Variants in SYT9 observed in about 807,000 individuals in gnomAD.
The protein encoded by SYT9 is synaptotagmin-9.
SYT9 carries 22 observed loss-of-function variants against 48.4 expected under a neutral mutation model. The observed-to-expected ratio is 0.45, with a 90% CI of 0.32 to 0.65. SYT9 has a LOEUF of 0.65. SYT9 is among the 30% of genes least tolerant of loss of function. The pLI, the probability that SYT9 is intolerant of heterozygous loss-of-function variation, is 0.03. For missense variants in SYT9, 577 were observed against 622.0 expected (o/e 0.93, Z 0.77); for synonymous variants, 265 against 245.0 (o/e 1.08, Z -0.76).
At chr11:7,437,474 C>A (rs1447137316) in intron 6 of SYT9, among the ~76,000 whole-genome samples, 6 of 152,036 alleles carry the variant, frequency 3.9e-5, no homozygotes, top group Non-Finnish European at 8.8e-5. Flanking sequence ...ATTTCACAAA[C>A]CCATAATGGG....
intron 3 of SYT9, among the ~76,000 whole-genome samples, chr11:7,401,312 T>A (rs1316315335): frequency 6.6e-6 from 1 of 150,634 alleles, no homozygotes; most frequent in African/African-American, 2.4e-5. Context: ...ATTTTGTATA[T>A]ATATAATACA....
chr11:7,420,485 T>G, intron 5 of SYT9, 21 bp from the exon 6 acceptor site: 1 of 1,612,644 alleles, frequency 6.2e-7, no homozygotes, highest in Non-Finnish European at 8.5e-7. Context: ...AAGAAAAAAC[T>G]ATTGTGGGCC....
At chr11:7,351,935 A>G (rs555774215) in intron 3 of SYT9, among the ~76,000 whole-genome samples, 1 of 152,074 alleles carries the variant, frequency 6.6e-6, no homozygotes, top group Admixed American at 6.6e-5. Context: ...GTTTTCCAGG[A>G]AAAAAAACTC....
chr11:7,313,854 C>T lies in SYT9; in HGVS notation c.957C>T (p.Ile319=), dbSNP rs767940383. The change falls in exon 3 of 7, where the codon ATC becomes ATT. Residue 319 remains isoleucine, a synonymous_variant. Transcript: ENST00000318881. ...DFDRFSRHDL[I]GQVVVDHFLD... The stretch of plus-strand genomic sequence containing the variant: ...ACAGGTTCTCTCGTCATGACTTAAT[C>T]GGCCAAGTGGTGGTGGATCACTTCC... The T allele has an allele frequency of 1.4e-5, 22 of 1,614,068 alleles. No individual in the cohort carries two copies. Among genetic ancestry groups the T allele is most frequent in the Non-Finnish European group, 1.8e-5 (21 of 1,180,022 alleles).
chr11:7,384,890 C>T (rs1244904248), intron 3 of SYT9, among the ~76,000 whole-genome samples: 1 of 152,142 alleles, frequency 6.6e-6, no homozygotes, highest in Non-Finnish European at 1.5e-5. Flanking sequence ...TACTCTCTCA[C>T]CTCAGGGCAT....
At chr11:7,301,038 G>A (rs1848910576) in intron 1 of SYT9, among the ~76,000 whole-genome samples, 1 of 152,144 alleles carries the variant, frequency 6.6e-6, no homozygotes, top group South Asian at 2.1e-4. Context: ...TGTGTTAAAT[G>A]TTCAACAGTA....
chr11:7,278,782 GAGA>G (rs1194846481), intron 1 of SYT9, among the ~76,000 whole-genome samples: 1 of 152,174 alleles, frequency 6.6e-6, no homozygotes, highest in African/African-American at 2.4e-5. Flanking sequence ...CTTACAAGTG[GAGA>G]AGAAGGGGAG....
At chr11:7,418,544 A>G (rs751615837) in intron 5 of SYT9, among the ~76,000 whole-genome samples, 3 of 152,258 alleles carry the variant, frequency 2.0e-5, no homozygotes, top group Admixed American at 1.3e-4. Context: ...TCGCCAGACC[A>G]TCAACATTTC....
At chr11:7,423,119 G>C (rs1243085411) in intron 6 of SYT9, among the ~76,000 whole-genome samples, 1 of 152,190 alleles carries the variant, frequency 6.6e-6, no homozygotes, top group Non-Finnish European at 1.5e-5. Flanking sequence ...CTTATATGAA[G>C]GGCAAGCCTT....
chr11:7,287,338 G>A (rs1249374181), intron 1 of SYT9, among the ~76,000 whole-genome samples: 2 of 152,130 alleles, frequency 1.3e-5, no homozygotes, highest in East Asian at 3.9e-4. Context: ...ACTTCCCACT[G>A]GGTCACTCCC....
intron 3 of SYT9, among the ~76,000 whole-genome samples, chr11:7,343,521 G>GA (rs200642645): frequency 0.013 from 1,995 of 152,198 alleles, 43 homozygotes; most frequent in African/African-American, 0.044. Flanking sequence ...CTTCATCTGA[G>GA]ACCACCTCAG....
chr11:7,289,928 A>G (rs925901418), intron 1 of SYT9, among the ~76,000 whole-genome samples: 1 of 152,250 alleles, frequency 6.6e-6, no homozygotes, highest in African/African-American at 2.4e-5. Context: ...ACTTCAAATC[A>G]TATTATTTGT....
intron 3 of SYT9, among the ~76,000 whole-genome samples, chr11:7,317,893 A>G (rs1849269488): frequency 1.3e-5 from 2 of 152,250 alleles, no homozygotes; most frequent in South Asian, 2.1e-4. Flanking sequence ...GGAAGGGCAA[A>G]TCATCCAGCC....
intron 1 of SYT9, among the ~76,000 whole-genome samples, chr11:7,259,082 A>T (rs187804911): frequency 7.7e-4 from 117 of 152,234 alleles, no homozygotes; most frequent in African/African-American, 2.6e-3. Context: ...CAAAACAATC[A>T]TCTGTTGTTT....
rs1349995158 is a variant in SYT9 at position 7,466,877 on chromosome 11, A to G, written c.*77A>G. The G allele has an allele frequency of 5.4e-5, 83 of 1,527,972 alleles. No homozygotes were observed. The highest frequency in any genetic ancestry group is 7.5e-5 in the Non-Finnish European group (83 of 1,111,472). 94.7% of individuals were successfully genotyped at this position (1,527,972 alleles called of 1,614,324 possible). On this transcript the variant is annotated 3_prime_UTR_variant, in exon 7 of 7. Transcript: ENST00000318881. ...ACAAAGATCTTAAGTAACTTTTTCC[A>G]TCCAGCAACATCCAGACGATTTCAG...
intron 3 of SYT9, among the ~76,000 whole-genome samples, chr11:7,396,412 T>C (rs1846753697): frequency 1.3e-5 from 2 of 152,154 alleles, no homozygotes; most frequent in South Asian, 4.1e-4. Context: ...GCTTTTGAGA[T>C]TTATACATGT....
intron 3 of SYT9, among the ~76,000 whole-genome samples, chr11:7,343,120 G>A (rs1849742461): frequency 6.6e-6 from 1 of 152,168 alleles, no homozygotes; most frequent in South Asian, 2.1e-4. Context: ...GTGATGGGAG[G>A]GGCTGCTGCA....
chr11:7,395,535 A>G (rs992409461), intron 3 of SYT9, among the ~76,000 whole-genome samples: 1 of 152,128 alleles, frequency 6.6e-6, no homozygotes, highest in Non-Finnish European at 1.5e-5. Context: ...TGTGGGATAC[A>G]TTTAGATTCA....
intron 1 of SYT9, among the ~76,000 whole-genome samples, chr11:7,272,851 T>G (rs1848321795): frequency 6.6e-6 from 1 of 152,182 alleles, no homozygotes; most frequent in Non-Finnish European, 1.5e-5. Flanking sequence ...GAGTTTCTAG[T>G]AAACAACATG....
Sources: allele counts gnomAD v4.1 joint callset (sites outside exome capture counted in the v4.1 genomes callset), GRCh38; gene constraint gnomAD v4.1.1; transcripts MANE v1.5; gene names NCBI Gene and HGNC (gene_info 2026-07-23, HGNC 2026-07-21).